The following PRELID2 variants were observed in gnomAD, a reference collection of about 807,000 sequenced individuals.
The protein encoded by PRELID2 is PRELI domain containing 2, also known as PRELI domain-containing protein 2.
PRELID2 carries 25 observed loss-of-function variants against 28.4 expected under a neutral mutation model. The observed-to-expected ratio is 0.88, with a 90% CI of 0.64 to 1.23. The LOEUF (loss-of-function observed/expected upper bound fraction) is 1.23, where lower values mean the gene tolerates loss of function less well. PRELID2 is among the 50% of genes most tolerant of loss of function. The pLI is 0.00. For missense variants in PRELID2, 201 were observed against 214.4 expected, an observed-to-expected ratio of 0.94 and a Z score of 0.39; for synonymous variants, 76 against 71.6, an observed-to-expected ratio of 1.06 and a Z score of -0.31.
chr5:145,705,916 C>T (rs1755534068), intron 1 of PRELID2, among the ~76,000 whole-genome samples: 1 of 148,300 alleles, frequency 6.7e-6, no homozygotes, highest in Non-Finnish European at 1.5e-5. Context: ...GGGCCATACA[C>T]CACCCATGCA....
the PRELID2 span, among the ~76,000 whole-genome samples, chr5:145,420,566 T>C: frequency 7.3e-5 from 10 of 137,670 alleles, no homozygotes; most frequent in African/African-American, 2.4e-4. Flanking sequence ...TGCTTGTGAT[T>C]TTTGTACATT....
the PRELID2 span, among the ~76,000 whole-genome samples, chr5:145,415,542 G>C: frequency 3.5e-5 from 5 of 142,270 alleles, no homozygotes; most frequent in Non-Finnish European, 4.5e-5. Flanking sequence ...TTGGTTTTTT[G>C]TCCTTGCGAT....
chr5:145,635,153 C>A (rs998666351), intron 1 of PRELID2, among the ~76,000 whole-genome samples: 9 of 152,164 alleles, frequency 5.9e-5, no homozygotes, highest in African/African-American at 2.2e-4. Flanking sequence ...TATGGTGCTT[C>A]TACCTTCTGT....
At chr5:145,394,194 A>G in the PRELID2 span, among the ~76,000 whole-genome samples, 2 of 152,170 alleles carry the variant, frequency 1.3e-5, no homozygotes, top group Non-Finnish European at 2.9e-5. Flanking sequence ...ACGTCCAACA[A>G]TGATAGACTG....
intron 1 of PRELID2, among the ~76,000 whole-genome samples, chr5:145,615,685 T>C (rs958641468): frequency 1.3e-5 from 2 of 152,226 alleles, no homozygotes; most frequent in African/African-American, 4.8e-5. Context: ...TCTGCAGTTC[T>C]GTATCTTTTA....
At chr5:145,441,727 A>C in the PRELID2 span, among the ~76,000 whole-genome samples, 1 of 152,108 alleles carries the variant, frequency 6.6e-6, no homozygotes, top group Non-Finnish European at 1.5e-5. Flanking sequence ...TGGTGAAGGC[A>C]CACAGCCTCC....
intron 1 of PRELID2, among the ~76,000 whole-genome samples, chr5:145,586,763 C>T (rs1481921468): frequency 1.3e-5 from 2 of 152,092 alleles, no homozygotes; most frequent in African/African-American, 4.8e-5. Context: ...TTAAATCCAA[C>T]CTCCTAATAG....
intron 1 of PRELID2, among the ~76,000 whole-genome samples, chr5:145,479,013 T>C (rs956705085): frequency 2.0e-5 from 3 of 152,176 alleles, no homozygotes; most frequent in African/African-American, 7.2e-5. Flanking sequence ...TCAAGAAGAT[T>C]GAGACTTGAC....
chr5:145,441,573 C>T, the PRELID2 span, among the ~76,000 whole-genome samples: 93 of 152,158 alleles, frequency 6.1e-4, no homozygotes, highest in African/African-American at 2.2e-3. Context: ...CAGGTCTTAA[C>T]TGTAAGCAAA....
chr5:145,782,909 C>A lies in PRELID2; in HGVS notation c.474+13533G>T, dbSNP rs995981430. Among the ~76,000 whole-genome samples, 3 of 152,146 alleles carry A rather than the reference C, an allele frequency of 2.0e-5. No homozygotes were observed. The South Asian group carries it at 6.2e-4, about 32-fold the overall frequency. ...CAATTGCCTAATTGAAAATGACCTA[C>A]CCAGTTAAGTCTGATTTTACAGAAG... is the stretch of plus-strand genomic sequence containing the variant. On this transcript the variant is annotated intron_variant, in intron 5 of 6. Coordinates refer to ENST00000683046, the MANE Select transcript of PRELID2 (RefSeq NM_205846.3).
intron 1 of PRELID2, among the ~76,000 whole-genome samples, chr5:145,746,670 G>A (rs1014400093): frequency 2.0e-5 from 3 of 152,168 alleles, no homozygotes; most frequent in African/African-American, 7.2e-5. Flanking sequence ...ACTCAGCTCT[G>A]AATCAAGTGG....
At chr5:145,277,107 G>A in the PRELID2 span, among the ~76,000 whole-genome samples, 1 of 151,972 alleles carries the variant, frequency 6.6e-6, no homozygotes, top group Non-Finnish European at 1.5e-5. Context: ...CCAAGCCTAG[G>A]ACTTGCTACA....
At chr5:145,705,631 A>C (rs1454652886) in intron 1 of PRELID2, among the ~76,000 whole-genome samples, 1 of 152,184 alleles carries the variant, frequency 6.6e-6, no homozygotes, top group Non-Finnish European at 1.5e-5. Flanking sequence ...GGGGTCAACA[A>C]ATACTTTCGG....
At chr5:145,471,034 G>A (rs574177017), downstream of PRELID2, among the ~76,000 whole-genome samples, 1 of 152,168 alleles carries the variant, frequency 6.6e-6, no homozygotes, top group East Asian at 1.9e-4. Context: ...TACATTGTAG[G>A]GAGCAGTGAT....
At chr5:145,651,139 C>A (rs1181970207) in intron 1 of PRELID2, among the ~76,000 whole-genome samples, 2 of 152,054 alleles carry the variant, frequency 1.3e-5, no homozygotes, top group Non-Finnish European at 2.9e-5. Flanking sequence ...GGGTCCCACG[C>A]CCACGGAGCC....
intron 1 of PRELID2, among the ~76,000 whole-genome samples, chr5:145,572,966 T>C (rs1291728031): frequency 1.3e-5 from 2 of 152,156 alleles, no homozygotes. Context: ...ACCAGCCCTC[T>C]CCTGGATAGT....
intron 5 of PRELID2, among the ~76,000 whole-genome samples, chr5:145,791,800 A>C (rs1752413958): frequency 6.6e-6 from 1 of 152,242 alleles, no homozygotes; most frequent in South Asian, 2.1e-4. Context: ...AGGTATTTTC[A>C]AAGCAAATAA....
At chr5:145,299,737 T>A in the PRELID2 span, among the ~76,000 whole-genome samples, 1 of 151,914 alleles carries the variant, frequency 6.6e-6, no homozygotes, top group Admixed American at 6.6e-5. Context: ...TTATTGATTA[T>A]CAATAGCCAG....
At chr5:145,295,504 T>C in the PRELID2 span, among the ~76,000 whole-genome samples, 1 of 152,120 alleles carries the variant, frequency 6.6e-6, no homozygotes, top group Non-Finnish European at 1.5e-5. Context: ...AAGAAATTGA[T>C]TGTAGATTTC....
Sources: allele counts gnomAD v4.1 joint callset (sites outside exome capture counted in the v4.1 genomes callset), GRCh38; gene constraint gnomAD v4.1.1; transcripts MANE v1.5; gene names NCBI Gene and HGNC (gene_info 2026-07-23, HGNC 2026-07-21).